The following ZC3H12B variants were observed in gnomAD, a reference collection of about 807,000 sequenced individuals.
The protein encoded by ZC3H12B is probable ribonuclease ZC3H12B.
Under a neutral mutation model 43.9 loss-of-function variants are expected in ZC3H12B, and 7 were observed. That is an observed-to-expected ratio of 0.16 (90% CI 0.09 to 0.30). The LOEUF (loss-of-function observed/expected upper bound fraction) is 0.30, where lower values mean the gene tolerates loss of function less well. Among genes scored for constraint, ZC3H12B ranks in the 10% least tolerant of loss-of-function variants. The pLI is 1.00. For synonymous variants in ZC3H12B, 222 were observed against 241.7 expected (o/e 0.92, Z 0.76); for missense variants, 475 against 670.2 (o/e 0.71, Z 3.22).
chrX:65,307,429 A>G, the ZC3H12B span, among the ~76,000 whole-genome samples: 1 of 112,101 alleles, frequency 8.9e-6, no homozygotes, highest in Non-Finnish European at 1.9e-5. Flanking sequence ...TATAAACGTT[A>G]TGTACAGATA....
the ZC3H12B span, among the ~76,000 whole-genome samples, chrX:65,125,113 G>A: frequency 9.0e-6 from 1 of 110,902 alleles, no homozygotes; most frequent in Non-Finnish European, 1.9e-5. Flanking sequence ...TTTGATGTAG[G>A]CATTTAATGC....
Position 65,402,282 on chromosome X carries a change from C to A in ZC3H12B, n.407+3578C>A, listed in dbSNP as rs144058100. 5.4e-3 allele frequency among the ~76,000 whole-genome samples: 598 copies of A among 111,689 alleles called. 19 individuals carry two copies. The highest frequency in any genetic ancestry group is 9.2e-3 in the Middle Eastern group (2 of 217). ...AGAACTGTGTGTCATGGTTTCAGTG[C>A]CAGCTCAGCCACAATACAATAGAAC... On this transcript the variant is annotated intron_variant and non_coding_transcript_variant, in intron 3 of 5. Coordinates refer to the ZC3H12B transcript ENST00000617377.
At chrX:65,382,453 C>A (rs2066456834) in intron 2 of ZC3H12B, among the ~76,000 whole-genome samples, 1 of 111,379 alleles carries the variant, frequency 9.0e-6, no homozygotes, top group Admixed American at 9.6e-5. Flanking sequence ...GGACGTATCT[C>A]AAAATAATAA....
At chrX:65,413,764 A>C in intron 3 of ZC3H12B, among the ~76,000 whole-genome samples, 1 of 111,779 alleles carries the variant, frequency 8.9e-6, no homozygotes, top group Non-Finnish European at 1.9e-5. Context: ...GTGTGTGGCT[A>C]TTTGAGGACC....
the ZC3H12B span, among the ~76,000 whole-genome samples, chrX:65,074,808 T>C: frequency 8.9e-6 from 1 of 112,210 alleles, no homozygotes; most frequent in Non-Finnish European, 1.9e-5. Flanking sequence ...AAATTTTCTG[T>C]TTGGGTGTTT....
the ZC3H12B span, among the ~76,000 whole-genome samples, chrX:65,339,835 A>T: frequency 8.9e-6 from 1 of 112,017 alleles, no homozygotes; most frequent in East Asian, 2.8e-4. Flanking sequence ...CTTCCTCTCT[A>T]CACTACAGCT....
the ZC3H12B span, among the ~76,000 whole-genome samples, chrX:65,155,454 A>G: frequency 9.0e-6 from 1 of 111,351 alleles, no homozygotes; most frequent in Non-Finnish European, 1.9e-5. Context: ...TTTGTCATAT[A>G]TTGCTGGATT....
chrX:65,097,647 A>G, the ZC3H12B span, among the ~76,000 whole-genome samples: 239 of 112,107 alleles, frequency 2.1e-3, 1 homozygote, highest in Non-Finnish European at 3.5e-3. Flanking sequence ...CAGTTCTCTC[A>G]TAACCATATT....
At chrX:65,158,473 G>T in the ZC3H12B span, among the ~76,000 whole-genome samples, 8 of 112,005 alleles carry the variant, frequency 7.1e-5, no homozygotes, top group Non-Finnish European at 1.3e-4. Context: ...TCTAACTGGT[G>T]TGAGATGGTA....
At chrX:65,278,678 G>C in the ZC3H12B span, among the ~76,000 whole-genome samples, 1 of 111,219 alleles carries the variant, frequency 9.0e-6, no homozygotes, top group African/African-American at 3.3e-5. Context: ...TAGCTTCAGG[G>C]ATTCATGTGA....
At chrX:65,263,793 C>T in the ZC3H12B span, among the ~76,000 whole-genome samples, 1 of 110,847 alleles carries the variant, frequency 9.0e-6, no homozygotes, top group Non-Finnish European at 1.9e-5. Flanking sequence ...TTATTCAATC[C>T]AGAAATCTTA....
At chrX:65,068,645 A>G in the ZC3H12B span, among the ~76,000 whole-genome samples, 1 of 111,719 alleles carries the variant, frequency 9.0e-6, no homozygotes, top group African/African-American at 3.3e-5. Context: ...TTAATATAAG[A>G]GTAGTTTACA....
the ZC3H12B span, among the ~76,000 whole-genome samples, chrX:65,141,609 G>A: frequency 4.6e-5 from 5 of 109,266 alleles, no homozygotes; most frequent in Admixed American, 3.9e-4. Flanking sequence ...TGAGATTTTG[G>A]TGCACCCATC....
the ZC3H12B span, among the ~76,000 whole-genome samples, chrX:65,245,120 T>C: frequency 9.0e-6 from 1 of 111,622 alleles, no homozygotes; most frequent in Non-Finnish European, 1.9e-5. Context: ...AACCCCTCTA[T>C]CTACATAAAC....
chrX:65,458,681 A>C (rs1176998694), intron 3 of ZC3H12B, among the ~76,000 whole-genome samples: 2 of 112,210 alleles, frequency 1.8e-5, no homozygotes, highest in Non-Finnish European at 3.8e-5. Context: ...GACACAACAT[A>C]CCAGAATCTC....
the ZC3H12B span, among the ~76,000 whole-genome samples, chrX:65,191,060 G>A: frequency 2.9e-4 from 26 of 88,609 alleles, 1 homozygote; most frequent in Non-Finnish European, 4.4e-4. Context: ...AGATAATCAT[G>A]TGGTTTTTGT....
intron 3 of ZC3H12B, among the ~76,000 whole-genome samples, chrX:65,448,165 G>T (rs1282195282): frequency 2.7e-5 from 3 of 110,993 alleles, no homozygotes; most frequent in African/African-American, 9.8e-5. Flanking sequence ...AACCCAGGAG[G>T]CAGAGCTTGC....
chrX:65,232,182 A>T, the ZC3H12B span, among the ~76,000 whole-genome samples: 3 of 111,490 alleles, frequency 2.7e-5, no homozygotes, highest in Non-Finnish European at 3.8e-5. Flanking sequence ...CAGTGCTTGC[A>T]GTGAGCTGAG....
the ZC3H12B span, among the ~76,000 whole-genome samples, chrX:65,202,854 G>A: frequency 1.8e-5 from 2 of 110,757 alleles, no homozygotes; most frequent in Admixed American, 1.9e-4. Context: ...CCCCAACCCT[G>A]GGAAGGTCTA....
Sources: allele counts gnomAD v4.1 joint callset (sites outside exome capture counted in the v4.1 genomes callset), GRCh38; gene constraint gnomAD v4.1.1; transcripts MANE v1.5; gene names NCBI Gene and HGNC (gene_info 2026-07-23, HGNC 2026-07-21).